ASIC2: variants seen among roughly 807,000 people sequenced by gnomAD.
ASIC2 encodes the protein acid sensing ion channel subunit 2, also known as acid-sensing ion channel 2.
In ASIC2, 25 loss-of-function variants were observed where a neutral mutation model predicts 57.3. The observed-to-expected ratio is 0.44, with a 90% CI of 0.32 to 0.61. The LOEUF (loss-of-function observed/expected upper bound fraction) is 0.61. ASIC2 is among the 20% of genes least tolerant of loss of function. The pLI is 0.06. For missense variants in ASIC2, 641 were observed against 738.1 expected, an observed-to-expected ratio of 0.87 and a Z score of 1.52; for synonymous variants, 319 against 307.5, an observed-to-expected ratio of 1.04 and a Z score of -0.39.
chr17:34,105,775 G>T (rs1911025680), intron 1 of ASIC2, among the ~76,000 whole-genome samples: 1 of 151,618 alleles, frequency 6.6e-6, no homozygotes. Flanking sequence ...TATATGTGTG[G>T]GTGTATTTTC....
At chr17:33,476,504 CAT>C (rs67811038) in intron 1 of ASIC2, among the ~76,000 whole-genome samples, 13,104 of 122,086 alleles carry the variant, frequency 0.11, 635 homozygotes, top group East Asian at 0.22. Flanking sequence ...TGTGTGTGTG[CAT>C]ATATATATAT....
intron 1 of ASIC2, among the ~76,000 whole-genome samples, chr17:33,240,127 G>A (rs1051765230): frequency 6.6e-6 from 1 of 152,216 alleles, no homozygotes. Context: ...GCCTAAGATA[G>A]TTGATCTGGA....
intron 1 of ASIC2, among the ~76,000 whole-genome samples, chr17:33,993,532 T>C (rs1325449237): frequency 6.6e-6 from 1 of 152,222 alleles, no homozygotes; most frequent in African/African-American, 2.4e-5. Context: ...CCAGTGTGTC[T>C]GGCTGATGGC....
chr17:33,295,002 G>GT (rs1905667496), upstream of ASIC2, among the ~76,000 whole-genome samples: 4 of 152,220 alleles, frequency 2.6e-5, no homozygotes, highest in Admixed American at 6.5e-5. Flanking sequence ...GGGTGACCTA[G>GT]TGACCTCAGT....
At chr17:33,330,109 G>T (rs777634507) in intron 1 of ASIC2, among the ~76,000 whole-genome samples, 7 of 152,186 alleles carry the variant, frequency 4.6e-5, no homozygotes, top group African/African-American at 7.2e-5. Flanking sequence ...TATATGAAGG[G>T]TAGTGATGGT....
intron 1 of ASIC2, among the ~76,000 whole-genome samples, chr17:33,280,205 A>C (rs1212340873): frequency 6.6e-6 from 1 of 152,026 alleles, no homozygotes; most frequent in Admixed American, 6.6e-5. Context: ...AGCCCGAAAC[A>C]CTCATCCCCG....
chr17:33,246,119 C>T (rs1321774273), intron 1 of ASIC2, among the ~76,000 whole-genome samples: 1 of 151,524 alleles, frequency 6.6e-6, no homozygotes, highest in African/African-American at 2.4e-5. Context: ...GGAGGTGTAC[C>T]ATCCAGGCAA....
chr17:33,085,665 A>G (rs2092131570), intron 3 of ASIC2, among the ~76,000 whole-genome samples: 1 of 152,270 alleles, frequency 6.6e-6, no homozygotes, highest in Non-Finnish European at 1.5e-5. Flanking sequence ...ATGAATAAAT[A>G]GAACAAAGCC....
intron 1 of ASIC2, among the ~76,000 whole-genome samples, chr17:34,085,041 G>T (rs1428071797): frequency 6.6e-6 from 1 of 152,116 alleles, no homozygotes; most frequent in African/African-American, 2.4e-5. Flanking sequence ...TCCTTCTCCT[G>T]CCTAATTGCC....
chr17:33,564,297 T>C (rs1238453687), intron 1 of ASIC2, among the ~76,000 whole-genome samples: 2 of 152,142 alleles, frequency 1.3e-5, no homozygotes, highest in African/African-American at 4.8e-5. Flanking sequence ...AAAACAGAAG[T>C]CTCAGTTAAG....
At chr17:33,828,959 A>C (rs1913025027) in intron 1 of ASIC2, among the ~76,000 whole-genome samples, 1 of 152,240 alleles carries the variant, frequency 6.6e-6, no homozygotes, top group African/African-American at 2.4e-5. Flanking sequence ...AGTGTCTGTC[A>C]TAGAGCCTGG....
At chr17:33,186,906 A>G (rs1906219157) in intron 1 of ASIC2, among the ~76,000 whole-genome samples, 1 of 152,238 alleles carries the variant, frequency 6.6e-6, no homozygotes, top group Admixed American at 6.5e-5. Flanking sequence ...CTATGCAACA[A>G]CAATGAACCA....
chr17:34,130,150 GAAGA>G (rs1389930467), intron 1 of ASIC2, among the ~76,000 whole-genome samples: 5 of 152,236 alleles, frequency 3.3e-5, no homozygotes, highest in Non-Finnish European at 5.9e-5. Flanking sequence ...TTAGAGACAT[GAAGA>G]AAGACAGAAT....
At chr17:34,153,853 G>A (rs1904617510) in intron 1 of ASIC2, among the ~76,000 whole-genome samples, 1 of 152,156 alleles carries the variant, frequency 6.6e-6, no homozygotes, top group Non-Finnish European at 1.5e-5. Context: ...TTATCCATAG[G>A]CAATTTCACT....
chr17:33,375,697 G>C (rs909305848), intron 1 of ASIC2, among the ~76,000 whole-genome samples: 4 of 152,146 alleles, frequency 2.6e-5, no homozygotes, highest in African/African-American at 7.2e-5. Flanking sequence ...GAACCCTGGT[G>C]GATGCAGGGG....
intron 1 of ASIC2, among the ~76,000 whole-genome samples, chr17:33,552,773 C>G (rs1365898371): frequency 6.6e-6 from 1 of 152,196 alleles, no homozygotes; most frequent in African/African-American, 2.4e-5. Flanking sequence ...TCAAAAGTTA[C>G]GTACTGAGTT....
chr17:34,079,081 C>T (rs1909781100), intron 1 of ASIC2: 1 of 146,974 alleles, frequency 6.8e-6, no homozygotes, highest in African/African-American at 2.7e-5. Context: ...CTCATTCTGT[C>T]TCTGTTCTCA....
chr17:33,238,297 C>A (rs1486408759), intron 1 of ASIC2, among the ~76,000 whole-genome samples: 1 of 152,198 alleles, frequency 6.6e-6, no homozygotes, highest in Admixed American at 6.5e-5. Context: ...TGGATTCACT[C>A]ACCCGGAGAG....
chr17:33,875,496 G>T (rs1209323863), intron 1 of ASIC2, among the ~76,000 whole-genome samples: 2 of 152,246 alleles, frequency 1.3e-5, no homozygotes, highest in East Asian at 3.9e-4. Flanking sequence ...TTAGGCCACT[G>T]CCCCTCCCAG....
Sources: gnomAD v4.1 joint callset for allele counts (sites outside exome capture counted in the v4.1 genomes callset) on GRCh38, gnomAD v4.1.1 for gene constraint, MANE v1.5 for transcripts, NCBI Gene and HGNC (gene_info 2026-07-23, HGNC 2026-07-21) for gene names.